Variants in HSD17B14 observed in about 807,000 individuals in gnomAD.
HSD17B14 encodes hydroxysteroid 17-beta dehydrogenase 14, also known as L-fucose dehydrogenase.
In HSD17B14, 32 loss-of-function variants were observed where a neutral mutation model predicts 32.2. The ratio of observed to expected loss-of-function variants is 0.99; its 90% confidence interval spans 0.75 to 1.33. HSD17B14 has a LOEUF of 1.33. HSD17B14 is among the 40% of genes most tolerant of loss of function. The pLI is 0.00. For missense variants in HSD17B14, 370 were observed against 366.5 expected (o/e 1.01, Z -0.08); for synonymous variants, 140 against 155.4 (o/e 0.90, Z 0.74).
intron 5 of HSD17B14, among the ~76,000 whole-genome samples, 195 bp from the exon 6 acceptor site, chr19:48,815,336 C>G (rs563655165): frequency 4.1e-4 from 63 of 152,238 alleles, no homozygotes; most frequent in African/African-American, 1.4e-3. Flanking sequence ...TGGGTCTCAG[C>G]ACTCAAGGAG....
At position 48,813,490 on chromosome 19, in the gene HSD17B14, G is replaced by C. The variant is rs2034998058; in HGVS notation, c.605C>G (p.Pro202Arg). ...CATGCCCTCTCGGATTGTGGCCCTAGGGTCTGGCATTAAGGCTGCCAGCTC... is the reference window on the plus strand; with the variant it reads ...CATGCCCTCTCGGATTGTGGCCCTACGGTCTGGCATTAAGGCTGCCAGCTC... ...WEELAALMPD[P>R]RATIREGMLA... is the part of the protein sequence containing the mutation. The change falls in exon 8 of 9, where the codon CCT (proline) becomes CGT (arginine). Residue 202 changes from proline to arginine, a missense_variant. Transcript: ENST00000263278. 1.1e-5 allele frequency: 17 copies of C among 1,613,878 alleles called. No homozygotes were observed. Among genetic ancestry groups the C allele is most frequent in the Middle Eastern group, 1.6e-4 (1 of 6,062 alleles).
Position 48,826,027 on chromosome 19 carries a change from A to G in HSD17B14, c.369+5641T>C, listed in dbSNP as rs1204748737. The stretch of plus-strand genomic sequence containing the variant: ...AGTAGAGATGGGGTTTCACCGTGTT[A>G]GCCAGGATGGTCTCGATCTCCTGAC... On this transcript the variant is annotated intron_variant, in intron 5 of 8. Coordinates refer to ENST00000263278, the MANE Select transcript of HSD17B14 (RefSeq NM_016246.3). Among the ~76,000 whole-genome samples the G allele has an allele frequency of 7.9e-5, 12 of 151,642 alleles. No individual in the cohort carries two copies. The South Asian group carries it at 8.4e-4, about 11-fold the overall frequency.
At chr19:48,824,988 A>G (rs2035220387) in intron 5 of HSD17B14, among the ~76,000 whole-genome samples, 1 of 152,036 alleles carries the variant, frequency 6.6e-6, no homozygotes. Flanking sequence ...CACGCCTCCC[A>G]GCACTTTGGG....
In HSD17B14 at chr19:48,835,857, G is replaced by A; in HGVS notation, c.89-14C>T. 2.5e-6 allele frequency: 4 copies of A among 1,613,280 alleles called. No individual in the cohort carries two copies. The highest frequency in any genetic ancestry group is 2.5e-6 in the Non-Finnish European group (3 of 1,179,528). ...CCCCGCTGTTCACTGAGAATAGGAA[G>A]GGAACAGGTTACTCTCCGAGCCTTG... is the stretch of plus-strand genomic sequence containing the variant. On this transcript the variant is annotated splice_polypyrimidine_tract_variant and intron_variant, in intron 1 of 8. Transcript: ENST00000263278.
intron 5 of HSD17B14, among the ~76,000 whole-genome samples, chr19:48,824,556 G>A (rs1019073885): frequency 6.6e-6 from 1 of 151,442 alleles, no homozygotes; most frequent in Non-Finnish European, 1.5e-5. Context: ...GGATCACGAG[G>A]TCAGGAGATT....
chr19:48,831,490 T>C (rs941674054), intron 5 of HSD17B14, among the ~76,000 whole-genome samples, 178 bp downstream of exon 5: 42 of 150,900 alleles, frequency 2.8e-4, no homozygotes, highest in African/African-American at 1.0e-3. Flanking sequence ...GAGGTGGAGG[T>C]TGCAGTGAGC....
At chr19:48,826,542 T>TATATATATATATATATATATAG in intron 5 of HSD17B14, among the ~76,000 whole-genome samples, 2 of 80,110 alleles carry the variant, frequency 2.5e-5, no homozygotes, top group African/African-American at 1.0e-4. Flanking sequence ...TATATATATA[T>TATATATATATATATATATATAG]ACACACACAC....
intron 5 of HSD17B14, among the ~76,000 whole-genome samples, chr19:48,820,376 A>G (rs1312413271): frequency 6.6e-6 from 1 of 151,736 alleles, no homozygotes; most frequent in East Asian, 2.0e-4. Context: ...AGGCTGAGAC[A>G]TGAGAACTGC....
chr19:48,832,673 A>G lies in HSD17B14; in HGVS notation c.270T>C (p.Ala90=), dbSNP rs750026351. Residue 90 remains alanine (A), a synonymous_variant, in exon 4 of 9, where the codon GCT becomes GCC. Coordinates refer to ENST00000263278, the MANE Select transcript of HSD17B14 (RefSeq NM_016246.3). The stretch of plus-strand genomic sequence containing the variant: ...TGGGGTCTCACAACTCACGGTGGCC[A>G]GCGTTGTTGACAACACAATCCAGGC... ...FGRLDCVVNN[A]GHHPPPQRPE... The G allele has an allele frequency of 5.6e-6, 9 of 1,613,156 alleles. No homozygotes were observed. The Admixed American group carries it at 1.5e-4, about 27-fold the overall frequency.
At chr19:48,815,238 C>A in intron 5 of HSD17B14, 97 bp from the exon 6 acceptor site, 1 of 855,348 alleles carries the variant, frequency 1.2e-6, no homozygotes, top group Non-Finnish European at 2.0e-6. Flanking sequence ...GGATGACGGC[C>A]ACCTCCCTGG....
chr19:48,834,526 G>A (rs1322877377), intron 2 of HSD17B14, among the ~76,000 whole-genome samples, 168 bp from the exon 3 acceptor site: 23 of 87,322 alleles, frequency 2.6e-4, no homozygotes, highest in South Asian at 4.9e-4. Flanking sequence ...GTAGGGCCTG[G>A]GGGCCTGGAC....
intron 5 of HSD17B14, among the ~76,000 whole-genome samples, chr19:48,819,844 C>T (rs1021235609): frequency 6.6e-6 from 1 of 152,186 alleles, no homozygotes; most frequent in African/African-American, 2.4e-5. Context: ...TGCCCTATCT[C>T]CAGCACCTAT....
At position 48,813,363 on chromosome 19, in the gene HSD17B14, G is replaced by A. The variant is rs749277970; in HGVS notation, c.640-15C>T. The A allele has an allele frequency of 4.5e-6, 7 of 1,563,372 alleles. No individual in the cohort carries two copies. In the East Asian group the frequency reaches 1.2e-4, roughly 26 times the overall value. On this transcript the variant is annotated splice_polypyrimidine_tract_variant and intron_variant, in intron 8 of 8. Transcript: ENST00000263278. The stretch of plus-strand genomic sequence containing the variant: ...CGGCCCAGTGGCTGGGGAGAAAAGA[G>A]GGGGGAAGGAGGTCAAGAGGAGCCC...
In HSD17B14 at chr19:48,834,286, T is replaced by C; in HGVS notation, c.200A>G (p.Asp67Gly). Residue 67 changes from aspartate (D) to glycine (G), a missense_variant, in exon 3 of 9, where the codon GAT becomes GGT. Coordinates refer to ENST00000263278, the MANE Select transcript of HSD17B14 (RefSeq NM_016246.3). Reference sequence around the variant, plus strand: ...AGGAACTCGGCTTACCTTCACATCATCTTCCTGAGTCACATCACAGAGGAT... The same window carrying C: ...AGGAACTCGGCTTACCTTCACATCACCTTCCTGAGTCACATCACAGAGGAT... Reference protein sequence around the residue: ...VFILCDVTQEDDVKTLVSETI... With the variant: ...VFILCDVTQEGDVKTLVSETI... 6.2e-7 allele frequency: 1 copy of C among 1,613,856 alleles called. No homozygotes were observed. The highest frequency in any genetic ancestry group is 1.6e-4 in the Middle Eastern group (1 of 6,062).
chr19:48,832,733 C>T lies in HSD17B14; in HGVS notation c.211-1G>A. On this transcript the variant is annotated splice_acceptor_variant, in intron 3 of 8. Transcript: ENST00000263278. LOFTEE classifies it high-confidence loss of function. Reference sequence around the variant, plus strand: ...GGCGGATGGTCTCAGAAACCAGGGTCTGAGGAGAAAGGAAATGTCCTTTGT... The same window carrying T: ...GGCGGATGGTCTCAGAAACCAGGGTTTGAGGAGAAAGGAAATGTCCTTTGT... 6.2e-7 allele frequency: 1 copy of T among 1,610,612 alleles called. No homozygotes were observed. The highest frequency in any genetic ancestry group is 2.2e-5 in the East Asian group (1 of 44,816).
intron 5 of HSD17B14, among the ~76,000 whole-genome samples, chr19:48,818,188 G>A (rs907114256): frequency 1.3e-5 from 2 of 151,764 alleles, no homozygotes; most frequent in South Asian, 2.1e-4. Context: ...GTGCGTGCCT[G>A]TAATCCCAGC....
At chr19:48,815,799 A>C (rs139260655) in intron 5 of HSD17B14, among the ~76,000 whole-genome samples, 264 of 152,156 alleles carry the variant, frequency 1.7e-3, no homozygotes, top group African/African-American at 5.5e-3. Context: ...AGGTGGGTGG[A>C]TCATCTGAGG....
At position 48,831,688 on chromosome 19, in the gene HSD17B14, C is replaced by G; in HGVS notation, c.349G>C (p.Gly117Arg). Residue 117 changes from glycine (G) to arginine (R), a missense_variant, in exon 5 of 9, where the codon GGG becomes CGG. By Grantham distance (125) the Gly-to-Arg change is moderately radical (BLOSUM62 -2). Transcript: ENST00000263278. The part of the protein sequence containing the change: ...FRQLLELNLL[G>R]TYTLTKLALP... ...CTCACCTTGGTCAAGGTGTACGTCC[C>G]CAGTAGGTTCAGCTCCAGCAGCTGG... 1 of 1,613,910 alleles carries G rather than the reference C, an allele frequency of 6.2e-7. No homozygotes were observed. The highest frequency in any genetic ancestry group is 2.2e-5 in the East Asian group (1 of 44,868).
chr19:48,813,395 A>G (rs568507369), intron 8 of HSD17B14, 47 bp from the exon 9 acceptor site: 2 of 1,554,890 alleles, frequency 1.3e-6, no homozygotes, highest in East Asian at 4.7e-5. Flanking sequence ...GCCCCACTTG[A>G]TCGCCATGCC....
Sources: gnomAD v4.1 joint callset for allele counts (sites outside exome capture counted in the v4.1 genomes callset) on GRCh38, gnomAD v4.1.1 for gene constraint, MANE v1.5 for transcripts, NCBI Gene and HGNC (gene_info 2026-07-23, HGNC 2026-07-21) for gene names.